The following NSG2 variants were observed in gnomAD, a reference collection of about 807,000 sequenced individuals.
NSG2 encodes neuronal vesicle trafficking-associated protein 2.
Under a neutral mutation model 16.9 loss-of-function variants are expected in NSG2, and 4 were observed. The ratio of observed to expected loss-of-function variants is 0.24; its 90% CI spans 0.12 to 0.54. NSG2 has a LOEUF of 0.54. NSG2 is among the 20% of genes least tolerant of loss of function. NSG2 has a pLI of 0.95. For synonymous variants in NSG2, 98 were observed against 88.7 expected (o/e 1.11, Z -0.59); for missense variants, 179 against 221.1 (o/e 0.81, Z 1.21).
At chr5:174,055,592 T>C (rs1348251684) in intron 2 of NSG2, among the ~76,000 whole-genome samples, 1 of 151,848 alleles carries the variant, frequency 6.6e-6, no homozygotes, top group Non-Finnish European at 1.5e-5. Context: ...AGAGCGAGAC[T>C]CTGTCTCAAA....
rs113803192 is a variant in NSG2, at chr5:174,079,029, C to T, written c.213+14714C>T. On this transcript the variant is annotated intron_variant, in intron 3 of 4. Transcript: ENST00000303177. ...GCATGAGAGTCTTCAATCTTAAAAA[C>T]CTTGCCAGAGGGTATATACACCTTC... is the stretch of plus-strand genomic sequence containing the variant. Among the ~76,000 whole-genome samples, 63 of 152,268 alleles carry T rather than the reference C, an allele frequency of 4.1e-4. 1 individual carries two copies. The South Asian group carries it at 0.012, about 30-fold the overall frequency.
At chr5:174,092,035 A>G (rs1331088342) in intron 3 of NSG2, among the ~76,000 whole-genome samples, 1 of 152,202 alleles carries the variant, frequency 6.6e-6, no homozygotes, top group Non-Finnish European at 1.5e-5. Flanking sequence ...GATTTTGAAC[A>G]TTGTCTTGTT....
intron 3 of NSG2, among the ~76,000 whole-genome samples, chr5:174,064,629 T>C (rs1760110558): frequency 6.6e-6 from 1 of 152,150 alleles, no homozygotes; most frequent in South Asian, 2.1e-4. Context: ...CTCCAGGAAA[T>C]GTGATGGAAA....
At chr5:174,105,316 C>T (rs1561677353) in intron 4 of NSG2, among the ~76,000 whole-genome samples, 1 of 152,202 alleles carries the variant, frequency 6.6e-6, no homozygotes, top group Non-Finnish European at 1.5e-5. Context: ...TCCAATCTGA[C>T]CGCCTCTAGC....
chr5:174,046,931 C>G (rs1759810089), intron 2 of NSG2, 47 bp downstream of exon 2: 4 of 1,598,078 alleles, frequency 2.5e-6, no homozygotes, highest in Non-Finnish European at 1.7e-6. Flanking sequence ...CTCCCCCCAT[C>G]TCAGGAAATA....
intron 4 of NSG2, among the ~76,000 whole-genome samples, chr5:174,105,560 C>T (rs997507620): frequency 3.3e-5 from 5 of 152,298 alleles, no homozygotes; most frequent in African/African-American, 7.2e-5. Flanking sequence ...ACTGAACGAA[C>T]GTGGAGGTTT....
chr5:174,076,448 AAG>A (rs1479054842), intron 3 of NSG2, among the ~76,000 whole-genome samples: 1 of 152,158 alleles, frequency 6.6e-6, no homozygotes, highest in Non-Finnish European at 1.5e-5. Context: ...AAGAGAGACG[AAG>A]AGAGAGAGAA....
At chr5:174,060,706 A>G (rs1760036731) in intron 2 of NSG2, among the ~76,000 whole-genome samples, 1 of 152,092 alleles carries the variant, frequency 6.6e-6, no homozygotes, top group South Asian at 2.1e-4. Flanking sequence ...GACACTTGAG[A>G]TCTTCTTTCA....
intron 3 of NSG2, among the ~76,000 whole-genome samples, chr5:174,078,578 G>A (rs757079125): frequency 2.0e-5 from 3 of 152,188 alleles, no homozygotes; most frequent in African/African-American, 7.2e-5. Context: ...CACTACTACA[G>A]TTTGAATGTT....
chr5:174,087,134 C>G (rs1156244747), intron 3 of NSG2, among the ~76,000 whole-genome samples: 1 of 152,144 alleles, frequency 6.6e-6, no homozygotes, highest in Non-Finnish European at 1.5e-5. Context: ...AGGCAATTTA[C>G]TTAGTGAGAT....
chr5:174,065,382 A>C lies in NSG2; in HGVS notation c.213+1067A>C, dbSNP rs150474133. 5.0e-3 allele frequency among the ~76,000 whole-genome samples: 763 copies of C among 151,832 alleles called. 2 individuals carry two copies. Among genetic ancestry groups the C allele is most frequent in the Non-Finnish European group, 8.0e-3 (547 of 67,978 alleles). On this transcript the variant is annotated intron_variant, in intron 3 of 4. Coordinates refer to ENST00000303177, the MANE Select transcript of NSG2 (RefSeq NM_015980.5). ...GGCCGGGCTCTAGGAGGGTGCAGGG[A>C]GCAGACACAGATGAGGCAGAAGTGG...
intron 2 of NSG2, among the ~76,000 whole-genome samples, chr5:174,063,564 TTTTA>T (rs869298666): frequency 7.5e-6 from 1 of 133,640 alleles, no homozygotes; most frequent in Non-Finnish European, 1.6e-5. Context: ...TTTTATTTTA[TTTTA>T]TTTATTTACA....
chr5:174,046,908 A>C, intron 2 of NSG2, 24 bp downstream of exon 2: 1 of 1,611,502 alleles, frequency 6.2e-7, no homozygotes, highest in Non-Finnish European at 8.5e-7. Flanking sequence ...TCTTGCTCTC[A>C]TCAGCCCCCA....
intron 3 of NSG2, among the ~76,000 whole-genome samples, chr5:174,075,281 C>G (rs114126375): frequency 0.016 from 2,435 of 152,094 alleles, 27 homozygotes; most frequent in Non-Finnish European, 0.021. Context: ...AATAAGGGGG[C>G]AGAGTCGGGG....
At chr5:174,094,377 C>T (rs1760763731) in intron 3 of NSG2, among the ~76,000 whole-genome samples, 1 of 152,130 alleles carries the variant, frequency 6.6e-6, no homozygotes, top group African/African-American at 2.4e-5. Flanking sequence ...CCAGTAATAC[C>T]AGGCAATTTA....
At chr5:174,064,425 G>A in intron 3 of NSG2, 110 bp downstream of exon 3, 1 of 591,130 alleles carries the variant, frequency 1.7e-6, no homozygotes, top group Non-Finnish European at 2.9e-6. Flanking sequence ...AAATGATGCA[G>A]GCTATTTCTG....
At chr5:174,085,842 G>C (rs1581235601) in intron 3 of NSG2, among the ~76,000 whole-genome samples, 1 of 152,206 alleles carries the variant, frequency 6.6e-6, no homozygotes, top group Non-Finnish European at 1.5e-5. Flanking sequence ...GGCTGTGCGA[G>C]GCTAGGAAGT....
chr5:174,078,431 A>T (rs1760385468), intron 3 of NSG2, among the ~76,000 whole-genome samples: 1 of 152,148 alleles, frequency 6.6e-6, no homozygotes, highest in African/African-American at 2.4e-5. Flanking sequence ...GCACATTGAG[A>T]TCCTTTTTCT....
At chr5:174,102,630 C>T (rs1760913475) in intron 3 of NSG2, among the ~76,000 whole-genome samples, 1 of 128,034 alleles carries the variant, frequency 7.8e-6, no homozygotes, top group South Asian at 2.3e-4. Flanking sequence ...ATGGTGCCCC[C>T]ACTTTGTTTG....
Sources: allele counts gnomAD v4.1 joint callset (sites outside exome capture counted in the v4.1 genomes callset), GRCh38; gene constraint gnomAD v4.1.1; transcripts MANE v1.5; gene names NCBI Gene and HGNC (gene_info 2026-07-23, HGNC 2026-07-21).